Variants in ANKRD36C observed in about 807,000 individuals in gnomAD.
ANKRD36C encodes ankyrin repeat domain 36C.
A neutral mutation model predicts 276.4 loss-of-function variants in ANKRD36C; 61 were observed. That is an observed-to-expected ratio of 0.22 (90% confidence interval 0.18 to 0.27). ANKRD36C has a LOEUF of 0.27. ANKRD36C is among the 10% of genes least tolerant of loss of function. The pLI, the probability that ANKRD36C is intolerant of heterozygous loss-of-function variation, is 1.00. For synonymous variants in ANKRD36C, 483 were observed against 680.1 expected (o/e 0.71, Z 4.51); for missense variants, 1,447 against 2,032.3 (o/e 0.71, Z 5.54).
intron 30 of ANKRD36C, 62 bp downstream of exon 30, chr2:95,925,290 G>T: frequency 1.9e-6 from 3 of 1,545,226 alleles, no homozygotes; most frequent in East Asian, 2.4e-5. Context: ...GATCTATTCA[G>T]GGGTGGGACG....
At chr2:95,963,988 T>TATATATATATATAA (rs1678527391) in intron 6 of ANKRD36C, among the ~76,000 whole-genome samples, 1 of 19,532 alleles carries the variant, frequency 5.1e-5, no homozygotes, top group African/African-American at 3.9e-4. Flanking sequence ...TATATATATA[T>TATATATATATATAA]ATATATATAT....
intron 15 of ANKRD36C, among the ~76,000 whole-genome samples, chr2:95,951,019 T>A (rs200292009): frequency 0.034 from 3,906 of 116,116 alleles, no homozygotes; most frequent in Middle Eastern, 0.063. Flanking sequence ...ATGCCTGTAA[T>A]CCTAGCAGTT....
chr2:95,927,908 A>T (rs991980807), intron 26 of ANKRD36C, among the ~76,000 whole-genome samples: 1 of 151,686 alleles, frequency 6.6e-6, no homozygotes, highest in Admixed American at 6.6e-5. Flanking sequence ...CTTCAGTGGA[A>T]GTGTCCTAAA....
At chr2:95,921,543 C>T (rs1350407122) in intron 34 of ANKRD36C, 64 bp downstream of exon 34, 16 of 1,552,310 alleles carry the variant, frequency 1.0e-5, no homozygotes, top group Middle Eastern at 2.2e-4. Context: ...CTGATTTATT[C>T]GGGGTAGAGA....
intron 50 of ANKRD36C, among the ~76,000 whole-genome samples, chr2:95,886,480 A>T (rs529634921): frequency 6.6e-6 from 1 of 151,744 alleles, no homozygotes; most frequent in East Asian, 2.0e-4. Context: ...TTGTCATATG[A>T]CTAAAACTAA....
At chr2:95,982,333 C>T in exon 4 of ANKRD36C, 2 of 1,549,944 alleles carry the variant, frequency 1.3e-6, no homozygotes, top group Non-Finnish European at 1.7e-6. Context: ...TTCTTTGACT[C>T]ACAGCAAGGA....
chr2:95,862,225 A>G (rs569149650), intron 60 of ANKRD36C, among the ~76,000 whole-genome samples: 2 of 152,184 alleles, frequency 1.3e-5, no homozygotes, highest in African/African-American at 4.8e-5. Flanking sequence ...GAACAACACT[A>G]TGCTTTCCAA....
chr2:95,951,553 A>C lies in ANKRD36C; in HGVS notation c.1204-145T>G, dbSNP rs572513645. On this transcript the variant is annotated intron_variant, in intron 14 of 66. Coordinates refer to ENST00000456556, the Ensembl canonical transcript of ANKRD36C. ...GATTCAAACCTCAAGTCTGCCATTT[A>C]CTAATCTACAGATTCACATGGGGTG... is the stretch of plus-strand genomic sequence containing the variant. 46 of 638,320 alleles carry C rather than the reference A, an allele frequency of 7.2e-5. No homozygotes were observed. In the South Asian group the frequency reaches 8.2e-4, roughly 11 times the overall value. 39.5% of individuals were successfully genotyped at this position (638,320 alleles called of 1,614,324 possible). A position where few individuals can be genotyped will look rare whatever the true frequency, so the allele number is the denominator to read the frequency against.
chr2:95,890,981 C>T (rs767606210), intron 46 of ANKRD36C, among the ~76,000 whole-genome samples: 20 of 151,408 alleles, frequency 1.3e-4, no homozygotes, highest in Non-Finnish European at 2.1e-4. Context: ...CAACAAAATA[C>T]GTATCTCTGA....
intron 42 of ANKRD36C, among the ~76,000 whole-genome samples, chr2:95,902,532 C>T (rs578129915): frequency 0.021 from 3,117 of 150,480 alleles, 100 homozygotes; most frequent in Non-Finnish European, 0.033. Context: ...CTTGGCAGTA[C>T]GATCTGAAGT....
chr2:95,925,874 AC>A (rs1194115141), intron 28 of ANKRD36C, among the ~76,000 whole-genome samples: 1 of 151,644 alleles, frequency 6.6e-6, no homozygotes, highest in Non-Finnish European at 1.5e-5. Flanking sequence ...CAACTCATAC[AC>A]CCAGGAATCA....
chr2:95,937,608 T>C, intron 22 of ANKRD36C, among the ~76,000 whole-genome samples: 1 of 152,312 alleles, frequency 6.6e-6, no homozygotes, highest in South Asian at 2.1e-4. Context: ...AAACTGTGAT[T>C]TGATCATTCC....
chr2:95,852,389 C>G, intron 64 of ANKRD36C, 193 bp from the exon 85 acceptor site: 1 of 566,946 alleles, frequency 1.8e-6, no homozygotes, highest in Non-Finnish European at 3.1e-6. Context: ...CACTGCTACA[C>G]CCCTTCAGTC....
At chr2:95,908,240 C>T (rs1001229083) in intron 42 of ANKRD36C, among the ~76,000 whole-genome samples, 14 of 149,988 alleles carry the variant, frequency 9.3e-5, no homozygotes, top group African/African-American at 3.4e-4. Context: ...TTATGTTGTT[C>T]CCCAGAGCCC....
At position 95,914,301 on chromosome 2, in the gene ANKRD36C, T is replaced by A. The variant is rs768458500; in HGVS notation, c.2452A>T (p.Thr818Ser). 48 of 1,548,608 alleles carry A rather than the reference T, an allele frequency of 3.1e-5. No individual in the cohort carries two copies. In the African/African-American group the frequency reaches 5.8e-4, roughly 19 times the overall value. The change falls in exon 39 of 67, where the codon ACT becomes TCT. Residue 818 changes from threonine (T) to serine (S), a missense_variant and splice_region_variant. Coordinates refer to ENST00000456556, the Ensembl canonical transcript of ANKRD36C. ...TTCAAGCCTGCTGGTTTCTCAGAAG[T>A]CACTGAAAAGTAAAAGGGATTCATA...
chr2:95,916,509 A>G (rs571297796), intron 36 of ANKRD36C, among the ~76,000 whole-genome samples: 1 of 151,812 alleles, frequency 6.6e-6, no homozygotes, highest in African/African-American at 2.4e-5. Flanking sequence ...GTGAGAATCA[A>G]CGTCAAAACA....
Position 95,889,952 on chromosome 2 carries a change from G to GA in ANKRD36C, c.2886+13dup. Reference sequence around the variant, plus strand: ...ACAGTTAATAGTTCAAAATATAAATGAGAGTTTAATTACCTTCAAGGCTGG... The same window carrying GA: ...ACAGTTAATAGTTCAAAATATAAATGAAGAGTTTAATTACCTTCAAGGCTGG... On this transcript the variant is annotated intron_variant, in intron 47 of 66. Transcript: ENST00000456556. 2 of 1,609,922 alleles carry GA rather than the reference G, an allele frequency of 1.2e-6. No individual in the cohort carries two copies. The highest frequency in any genetic ancestry group is 1.7e-6 in the Non-Finnish European group (2 of 1,177,362).
At chr2:95,937,076 C>G (rs957758172) in intron 22 of ANKRD36C, among the ~76,000 whole-genome samples, 2 of 152,270 alleles carry the variant, frequency 1.3e-5, no homozygotes, top group Non-Finnish European at 2.9e-5. Flanking sequence ...GATTACTGAG[C>G]AGTAAATAAG....
exon 62 of ANKRD36C, chr2:95,857,486 G>T: frequency 6.5e-7 from 1 of 1,531,894 alleles, no homozygotes. Context: ...CTTGCTGTAT[G>T]GCAAATCTGT....
Sources: allele counts gnomAD v4.1 joint callset (sites outside exome capture counted in the v4.1 genomes callset), GRCh38; gene constraint gnomAD v4.1.1; transcripts MANE v1.5; gene names NCBI Gene and HGNC (gene_info 2026-07-23, HGNC 2026-07-21).